GYS1: variants seen among roughly 807,000 people sequenced by gnomAD.
The protein encoded by GYS1 is glycogen [starch] synthase, muscle.
GYS1 carries 60 observed loss-of-function variants against 89.1 expected under a neutral mutation model. The ratio of observed to expected loss-of-function variants is 0.67; its 90% confidence interval spans 0.55 to 0.84. The LOEUF is 0.84. Ranked by LOEUF, GYS1 falls within the 40% of genes least tolerant of loss-of-function variation. The pLI, the probability that GYS1 is intolerant of heterozygous loss-of-function variation, is 0.00. For synonymous variants in GYS1, 366 were observed against 401.7 expected, an observed-to-expected ratio of 0.91 and a Z score of 1.06; for missense variants, 888 against 1,003.1, an observed-to-expected ratio of 0.89 and a Z score of 1.55.
Position 48,969,079 on chromosome 19 carries a change from A to T in GYS1, c.*209T>A. On this transcript the variant is annotated 3_prime_UTR_variant, in exon 16 of 16. Transcript: ENST00000323798. ...AGGGCGCTGATTATGCATATTCTGG[A>T]GCCAGAGAAAGGCACGGCTTTGTGG... 1.6e-6 allele frequency: 1 copy of T among 637,802 alleles called. No homozygotes were observed. The highest frequency in any genetic ancestry group is 2.8e-6 in the Non-Finnish European group (1 of 359,126). The allele number at this position is 637,802 out of a possible 1,614,324, so 39.5% of individuals were successfully genotyped here. A position where few individuals can be genotyped will look rare whatever the true frequency, so the allele number is the denominator to read the frequency against.
In GYS1 at chr19:48,978,084, G is replaced by A; in HGVS notation, c.1229+14C>T. On this transcript the variant is annotated intron_variant, in intron 9 of 15. Coordinates refer to ENST00000323798, the MANE Select transcript of GYS1 (RefSeq NM_002103.5). ...GGGCCTAGGAGGGCACAGGGCTGAG[G>A]GTGGGGCACTCACACCAGTAAGGAT... is the stretch of plus-strand genomic sequence containing the variant. The A allele has an allele frequency of 6.2e-7, 1 of 1,612,464 alleles. No homozygotes were observed. The highest frequency in any genetic ancestry group is 8.5e-7 in the Non-Finnish European group (1 of 1,178,476).
Position 48,969,492 on chromosome 19 carries a change from T to G in GYS1, c.2010A>C (p.Glu670Asp), listed in dbSNP as rs970823032. ...EEDPRNGPLE[E>D]DGERYDEDEE... is the part of the protein sequence containing the mutation. ...CGTCCTCATCGTAGCGCTCGCCGTC[T>G]TCCTCCAGCGGCCCGTTCCGGGGAT... The change falls in exon 16 of 16, where the codon GAA becomes GAC. Residue 670 changes from glutamate (E) to aspartate (D), a missense_variant. Glu to Asp is a conservative substitution (Grantham distance 45). Coordinates refer to ENST00000323798, the MANE Select transcript of GYS1 (RefSeq NM_002103.5). The G allele has an allele frequency of 1.3e-6, 2 of 1,544,872 alleles. No individual in the cohort carries two copies. Among genetic ancestry groups the G allele is most frequent in the African/African-American group, 2.7e-5 (2 of 72,970 alleles).
At chr19:48,973,201 C>T (rs1209527570) in intron 12 of GYS1, among the ~76,000 whole-genome samples, 1 of 152,174 alleles carries the variant, frequency 6.6e-6, no homozygotes, top group Admixed American at 6.6e-5. Flanking sequence ...ACTTCTCCCT[C>T]CTGCCGCCAT....
At position 48,987,353 on chromosome 19, in the gene GYS1, G is replaced by T; in HGVS notation, c.333C>A (p.Gly111=). ...VYFGRWLIEG[G]PLVVLLDVGA... ...CCACGTCCAGGAGCACCACCAGAGG[G>T]CCTCCCTCGATCAGCCAGCGCCCGA... The change falls in exon 3 of 16, where the codon GGC becomes GGA. Residue 111 remains glycine, a synonymous_variant. Transcript: ENST00000323798. The T allele has an allele frequency of 6.2e-7, 1 of 1,609,840 alleles. No homozygotes were observed. The highest frequency in any genetic ancestry group is 1.1e-5 in the South Asian group (1 of 90,362).
At position 48,978,083 on chromosome 19, in the gene GYS1, G is replaced by A; in HGVS notation, c.1229+15C>T. Reference sequence around the variant, plus strand: ...AGGGCCTAGGAGGGCACAGGGCTGAGGGTGGGGCACTCACACCAGTAAGGA... The same window carrying A: ...AGGGCCTAGGAGGGCACAGGGCTGAAGGTGGGGCACTCACACCAGTAAGGA... On this transcript the variant is annotated intron_variant, in intron 9 of 15. Coordinates refer to ENST00000323798, the MANE Select transcript of GYS1 (RefSeq NM_002103.5). The A allele has an allele frequency of 6.2e-7, 1 of 1,612,458 alleles. No individual in the cohort carries two copies. The highest frequency in any genetic ancestry group is 8.5e-7 in the Non-Finnish European group (1 of 1,178,486).
intron 12 of GYS1, among the ~76,000 whole-genome samples, chr19:48,972,126 G>GAA (rs765971575): frequency 1.5e-5 from 2 of 133,062 alleles, no homozygotes; most frequent in Non-Finnish European, 1.6e-5. Flanking sequence ...GTCAAGAAGA[G>GAA]AAAAAAAAAA....
chr19:48,969,640 G>C (rs754729362), intron 15 of GYS1, 29 bp from the exon 16 acceptor site: 1 of 1,562,788 alleles, frequency 6.4e-7, no homozygotes, highest in Non-Finnish European at 8.6e-7. Flanking sequence ...GTGCAAACCA[G>C]GGTGAGCTGA....
Position 48,969,119 on chromosome 19 carries a change from G to A in GYS1, c.*169C>T. 1.5e-6 allele frequency: 1 copy of A among 651,358 alleles called. No homozygotes were observed. Among genetic ancestry groups the A allele is most frequent in the Admixed American group, 2.7e-5 (1 of 37,040 alleles). 40.3% of individuals were successfully genotyped at this position (651,358 alleles called of 1,614,324 possible). ...CGGCTTTGTGGATTCTGGAGTGCAGGAACTTGGAAACTGGAGCTGGAGGGG... is the reference window on the plus strand; with the variant it reads ...CGGCTTTGTGGATTCTGGAGTGCAGAAACTTGGAAACTGGAGCTGGAGGGG... On this transcript the variant is annotated 3_prime_UTR_variant, in exon 16 of 16. Coordinates refer to ENST00000323798, the MANE Select transcript of GYS1 (RefSeq NM_002103.5).
At chr19:48,975,056 G>A (rs552174010) in intron 10 of GYS1, among the ~76,000 whole-genome samples, 37 of 151,886 alleles carry the variant, frequency 2.4e-4, no homozygotes, top group Non-Finnish European at 3.7e-4. Context: ...TCAGCCTCCC[G>A]AGTAGCTGGA....
chr19:48,974,791 C>CCGCATGG, intron 10 of GYS1, 58 bp from the exon 11 acceptor site: 2 of 1,220,762 alleles, frequency 1.6e-6, no homozygotes, highest in Non-Finnish European at 2.4e-6. Context: ...CTCCCTACTT[C>CCGCATGG]CTCATGAGCC....
intron 8 of GYS1, among the ~76,000 whole-genome samples, chr19:48,980,330 G>A (rs766743811): frequency 5.1e-4 from 78 of 151,866 alleles, no homozygotes; most frequent in African/African-American, 1.2e-3. Context: ...AGTAAATTCC[G>A]TCTACAGGAT....
At position 48,982,769 on chromosome 19, in the gene GYS1, C is replaced by G; in HGVS notation, c.892G>C (p.Ala298Pro). The G allele has an allele frequency of 6.2e-7, 1 of 1,614,048 alleles. No homozygotes were observed. The highest frequency in any genetic ancestry group is 1.1e-5 in the South Asian group (1 of 91,080). The change falls in exon 6 of 16, where the codon GCT becomes CCT. Residue 298 changes from alanine (A) to proline (P), a missense_variant. Physicochemically the swap from Ala to Pro is conservative, Grantham distance 27. Transcript: ENST00000323798. ...SAMHEFQNLH[A>P]QSKARIQEFV... Reference sequence around the variant, plus strand: ...TCCTGGATTCGAGCCTTGCTCTGAGCATGGAGGTTCTGGAACTCATGCATG... The same window carrying G: ...TCCTGGATTCGAGCCTTGCTCTGAGGATGGAGGTTCTGGAACTCATGCATG...
chr19:48,970,974 G>A lies in GYS1; in HGVS notation c.1599C>T (p.Gly533=), dbSNP rs745341722. 7.4e-6 allele frequency: 12 copies of A among 1,614,108 alleles called. No individual in the cohort carries two copies. Among genetic ancestry groups the A allele is most frequent in the Non-Finnish European group, 9.3e-6 (11 of 1,179,960 alleles). The change falls in exon 13 of 16, where the codon GGC becomes GGT. Residue 533 remains glycine, a synonymous_variant. Coordinates refer to ENST00000323798, the MANE Select transcript of GYS1 (RefSeq NM_002103.5). ...GIPSISTNLS[G]FGCFMEEHIA... ...TGTGTTCCTCCATGAAGCAGCCGAAGCCGGAGAGATTGGTGGAGATACTGG... is the reference window on the plus strand; with the variant it reads ...TGTGTTCCTCCATGAAGCAGCCGAAACCGGAGAGATTGGTGGAGATACTGG...
At chr19:48,978,350 C>A (rs536715733) in intron 8 of GYS1, 193 bp from the exon 9 acceptor site, 4 of 603,160 alleles carry the variant, frequency 6.6e-6, no homozygotes, top group African/African-American at 5.6e-5. Context: ...CTCAGCCTCC[C>A]GAGTAGCTGG....
chr19:48,978,127 G>C lies in GYS1; in HGVS notation c.1200C>G (p.Phe400Leu), dbSNP rs146814405. 1 of 1,614,066 alleles carries C rather than the reference G, an allele frequency of 6.2e-7. No homozygotes were observed. Among genetic ancestry groups the C allele is most frequent in the Non-Finnish European group, 8.5e-7 (1 of 1,179,970 alleles). Residue 400 changes from phenylalanine to leucine, a missense_variant, in exon 9 of 16, where the codon TTC (phenylalanine) becomes TTG (leucine). Coordinates refer to ENST00000323798, the MANE Select transcript of GYS1 (RefSeq NM_002103.5). ...WDTANTVKEK[F>L]GRKLYESLLV... ...GTAAGGATTCATAAAGCTTCCTCCC[G>C]AACTTTTCCTTCACCGTGTTGGCCG...
At position 48,991,487 on chromosome 19, in the gene GYS1, T is replaced by G. The variant is rs949641096; in HGVS notation, c.119-4A>C. ...AGCACCGTGTAGATGCCACCCACTGTGGGCCCAAGCGTGTGAGGGCAGGCC... is the reference window on the plus strand; with the variant it reads ...AGCACCGTGTAGATGCCACCCACTGGGGGCCCAAGCGTGTGAGGGCAGGCC... On this transcript the variant is annotated splice_region_variant and splice_polypyrimidine_tract_variant and intron_variant, in intron 1 of 15. Coordinates refer to ENST00000323798, the MANE Select transcript of GYS1 (RefSeq NM_002103.5). This position sits in a 1 kb window ranked among gnomAD's most constrained non-coding sequence, Gnocchi z 4.7. 20 of 1,502,644 alleles carry G rather than the reference T, an allele frequency of 1.3e-5. No homozygotes were observed. 93.1% of individuals were successfully genotyped at this position (1,502,644 alleles called of 1,614,324 possible).
chr19:48,989,209 C>T (rs1461287704), intron 2 of GYS1, among the ~76,000 whole-genome samples: 6 of 151,944 alleles, frequency 3.9e-5, no homozygotes, highest in Admixed American at 3.3e-4. Context: ...GGGCTGGGCG[C>T]GGTGGCTCAC....
At chr19:48,992,722 T>C (rs2038956905) in intron 1 of GYS1, among the ~76,000 whole-genome samples, 1 of 152,054 alleles carries the variant, frequency 6.6e-6, no homozygotes, top group Non-Finnish European at 1.5e-5. Flanking sequence ...ATCTAGTCTC[T>C]CGGAAGCCTG....
chr19:48,976,953 T>G (rs1374633956), intron 10 of GYS1, among the ~76,000 whole-genome samples: 1 of 151,820 alleles, frequency 6.6e-6, no homozygotes, highest in Non-Finnish European at 1.5e-5. Flanking sequence ...TATGCCCAGC[T>G]CATTTTTGTA....
Sources: allele counts gnomAD v4.1 joint callset (sites outside exome capture counted in the v4.1 genomes callset), GRCh38; gene constraint gnomAD v4.1.1; non-coding constraint Gnocchi (gnomAD v3.1); transcripts MANE v1.5; gene names NCBI Gene and HGNC (gene_info 2026-07-23, HGNC 2026-07-21).